Variants in ERI1 observed in about 807,000 individuals in gnomAD.
ERI1 encodes the protein 3'-5' exoribonuclease 1.
In ERI1, 39 loss-of-function variants were observed where a neutral mutation model predicts 39.7. The observed-to-expected ratio is 0.98, with a 90% CI of 0.76 to 1.28. The LOEUF is 1.28. Among genes scored for constraint, ERI1 ranks in the 50% most tolerant of loss-of-function variants. The probability of loss-of-function intolerance (pLI) is 0.00; values close to 1 mark genes in which losing one functional copy is unlikely to be tolerated. For synonymous variants in ERI1, 204 were observed against 149.6 expected, an observed-to-expected ratio of 1.36 and a Z score of -2.65; for missense variants, 581 against 416.9, an observed-to-expected ratio of 1.39 and a Z score of -3.43.
chr8:9,085,358 A>G (rs1001681195), intron 3 of ERI1, among the ~76,000 whole-genome samples: 1 of 151,848 alleles, frequency 6.6e-6, no homozygotes, highest in East Asian at 1.9e-4. Flanking sequence ...ACAGGCTTAT[A>G]CTTCCATGCC....
intron 3 of ERI1, among the ~76,000 whole-genome samples, chr8:9,052,177 G>C (rs774268193): frequency 1.2e-4 from 18 of 152,172 alleles, no homozygotes; most frequent in Non-Finnish European, 2.2e-4. Flanking sequence ...TGAAACTTGG[G>C]GCTTATCCTC....
intron 3 of ERI1, among the ~76,000 whole-genome samples, chr8:9,015,722 C>CTAAAAAAAAAAA (rs1817177968): frequency 1.8e-5 from 1 of 56,576 alleles, no homozygotes; most frequent in African/African-American, 8.2e-5. Context: ...ACTCTGTCTC[C>CTAAAAAAAAAAA]AAAAAAAAAA....
chr8:9,065,282 T>G (rs921119971), intron 3 of ERI1, among the ~76,000 whole-genome samples: 4 of 152,180 alleles, frequency 2.6e-5, no homozygotes, highest in Admixed American at 2.6e-4. Context: ...TTTTGCTTCT[T>G]TCTACGAGGT....
chr8:9,068,065 G>C (rs1216361565), intron 3 of ERI1, among the ~76,000 whole-genome samples: 1 of 152,188 alleles, frequency 6.6e-6, no homozygotes, highest in African/African-American at 2.4e-5. Context: ...GGCTAAAAAA[G>C]TGGAGGAAGC....
chr8:9,057,747 G>T (rs943110580), intron 3 of ERI1, among the ~76,000 whole-genome samples: 8 of 152,162 alleles, frequency 5.3e-5, no homozygotes, highest in African/African-American at 1.7e-4. Context: ...CAAGGGTAGG[G>T]GGTGGTTTGG....
rs921399441 is a variant in ERI1 at position 9,030,988 on chromosome 8, A to G, written c.*954A>G. On this transcript the variant is annotated 3_prime_UTR_variant, in exon 7 of 7. Transcript: ENST00000250263. Reference sequence around the variant, plus strand: ...AAGACTTGTTTTTCTGATTTTACATAGTAAATGGCTGCTAAGTATTGAGTA... The same window carrying G: ...AAGACTTGTTTTTCTGATTTTACATGGTAAATGGCTGCTAAGTATTGAGTA... The G allele has an allele frequency of 5.9e-5, 9 of 152,236 alleles. No individual in the cohort carries two copies. The highest frequency in any genetic ancestry group is 1.3e-4 in the Admixed American group (2 of 15,282). 9.4% of individuals were successfully genotyped at this position (152,236 alleles called of 1,614,324 possible).
chr8:9,045,235 C>CAAAAAAA (rs5889258), intron 3 of ERI1, among the ~76,000 whole-genome samples: 1 of 75,672 alleles, frequency 1.3e-5, no homozygotes, highest in Non-Finnish European at 2.6e-5. Context: ...GACTCTGTCT[C>CAAAAAAA]AAAAAAAAAA....
Position 9,002,992 on chromosome 8 carries a change from C to T in ERI1, c.-72C>T, listed in dbSNP as rs756142197. ...AATTTTTCAACGGAGAAAGGCGAGG[C>T]TTTCGGGCTCTGCAGAGTGAGAGTT... On this transcript the variant is annotated 5_prime_UTR_variant, in exon 1 of 7. Transcript: ENST00000250263. 122 of 1,049,638 alleles carry T rather than the reference C, an allele frequency of 1.2e-4. No individual in the cohort carries two copies. The highest frequency in any genetic ancestry group is 1.4e-4 in the Non-Finnish European group (110 of 813,806). The allele number at this position is 1,049,638 out of a possible 1,614,324, so 65.0% of individuals were successfully genotyped here.
chr8:9,051,535 T>C (rs372819585), intron 3 of ERI1, among the ~76,000 whole-genome samples: 1 of 151,988 alleles, frequency 6.6e-6, no homozygotes, highest in South Asian at 2.1e-4. Flanking sequence ...CATGCACCTG[T>C]AGTTCCAGCT....
At chr8:9,036,707 G>A (rs1437981052), downstream of ERI1, among the ~76,000 whole-genome samples, 1 of 151,060 alleles carries the variant, frequency 6.6e-6, no homozygotes, top group African/African-American at 2.4e-5. Context: ...TTTTTCTATT[G>A]AGTAAAAGAA....
At chr8:9,064,287 C>T (rs1212073562) in intron 3 of ERI1, among the ~76,000 whole-genome samples, 1 of 150,880 alleles carries the variant, frequency 6.6e-6, no homozygotes, top group African/African-American at 2.4e-5. Flanking sequence ...GGGGTGGAGA[C>T]ATGGAGAGAA....
chr8:9,050,778 T>A (rs533857041), intron 3 of ERI1, among the ~76,000 whole-genome samples: 1 of 152,288 alleles, frequency 6.6e-6, no homozygotes, highest in African/African-American at 2.4e-5. Flanking sequence ...CTTAGGTCTA[T>A]CCCACCACAA....
intron 1 of ERI1, among the ~76,000 whole-genome samples, chr8:9,004,897 A>G (rs1032306139): frequency 1.3e-5 from 2 of 152,016 alleles, no homozygotes; most frequent in Admixed American, 1.3e-4. Flanking sequence ...CATGTTGGCC[A>G]TGCTGGTCTG....
rs1439501278 is a variant in ERI1, at chr8:9,030,923, T to C, written c.*889T>C. 6.6e-6 allele frequency: 1 copy of C among 152,194 alleles called. No individual in the cohort carries two copies. The highest frequency in any genetic ancestry group is 1.5e-5 in the Non-Finnish European group (1 of 68,008). 9.4% of individuals were successfully genotyped at this position (152,194 alleles called of 1,614,324 possible). On this transcript the variant is annotated 3_prime_UTR_variant, in exon 7 of 7. Coordinates refer to ENST00000250263, the MANE Select transcript of ERI1 (RefSeq NM_153332.4). ...TCTACCATATATTACGTTTTTGTTA[T>C]TAAAAAACTTCATTGGCCACTAGTG...
chr8:9,004,355 A>G (rs558913049), intron 1 of ERI1: 2 of 970,092 alleles, frequency 2.1e-6, no homozygotes, highest in South Asian at 2.0e-5. Flanking sequence ...GTGTGTTTGA[A>G]TATGCTTCTT....
chr8:9,073,734 TC>T (rs1453069506), intron 3 of ERI1, among the ~76,000 whole-genome samples: 1 of 152,200 alleles, frequency 6.6e-6, no homozygotes, highest in African/African-American at 2.4e-5. Context: ...GCCTCTTATT[TC>T]TTAAACAGGC....
intron 3 of ERI1, among the ~76,000 whole-genome samples, chr8:9,039,927 G>T (rs1235174070): frequency 6.6e-6 from 1 of 152,018 alleles, no homozygotes; most frequent in Non-Finnish European, 1.5e-5. Context: ...TTGTCTATAG[G>T]TTTTATTCAG....
At chr8:9,007,665 GTAAA>G (rs1816163992) in intron 1 of ERI1, among the ~76,000 whole-genome samples, 1 of 152,148 alleles carries the variant, frequency 6.6e-6, no homozygotes, top group South Asian at 2.1e-4. Context: ...GCTATTTCTA[GTAAA>G]TAGTCAGCTG....
At chr8:9,021,756 A>G (rs1253337159) in intron 6 of ERI1, among the ~76,000 whole-genome samples, 2 of 137,074 alleles carry the variant, frequency 1.5e-5, no homozygotes, top group African/African-American at 5.7e-5. Flanking sequence ...TATACTGGCT[A>G]TATTATTTGT....
Sources: allele counts gnomAD v4.1 joint callset (sites outside exome capture counted in the v4.1 genomes callset), GRCh38; gene constraint gnomAD v4.1.1; transcripts MANE v1.5; gene names NCBI Gene and HGNC (gene_info 2026-07-23, HGNC 2026-07-21).